DLG2: variants seen among roughly 807,000 people sequenced by gnomAD.
DLG2 encodes the protein discs large MAGUK scaffold protein 2.
Under a neutral mutation model 132.5 loss-of-function variants are expected in DLG2, and 45 were observed. That is an observed-to-expected ratio of 0.34 (90% CI 0.27 to 0.44). DLG2 has a LOEUF of 0.44. DLG2 is among the 20% of genes least tolerant of loss of function. DLG2 has a pLI of 1.00. For synonymous variants in DLG2, 424 were observed against 419.6 expected (o/e 1.01, Z -0.13); for missense variants, 1,045 against 1,196.9 (o/e 0.87, Z 1.87).
intron 3 of DLG2, among the ~76,000 whole-genome samples, chr11:85,408,666 G>A (rs561946525): frequency 8.6e-5 from 13 of 150,700 alleles, no homozygotes; most frequent in Middle Eastern, 3.4e-3. Flanking sequence ...TTGTTCTTGC[G>A]ATAGTTTACT....
intron 7 of DLG2, among the ~76,000 whole-genome samples, chr11:84,460,138 C>G (rs2099076458): frequency 6.7e-6 from 1 of 150,216 alleles, no homozygotes; most frequent in South Asian, 2.1e-4. Context: ...TTTTTTTGAT[C>G]TTCAGATTCT....
chr11:84,742,946 C>T (rs1025726239), intron 6 of DLG2, among the ~76,000 whole-genome samples: 2 of 152,022 alleles, frequency 1.3e-5, no homozygotes, highest in Non-Finnish European at 2.9e-5. Context: ...CAGTTTTTAC[C>T]TATTATGAAT....
At chr11:85,361,147 T>C (rs2084116767) in intron 3 of DLG2, among the ~76,000 whole-genome samples, 1 of 152,114 alleles carries the variant, frequency 6.6e-6, no homozygotes, top group Non-Finnish European at 1.5e-5. Context: ...CAGATTCTGT[T>C]ATTCTTGGTC....
intron 21 of DLG2, among the ~76,000 whole-genome samples, chr11:83,530,115 TATCC>T (rs2095702712): frequency 6.6e-6 from 1 of 151,986 alleles, no homozygotes; most frequent in Middle Eastern, 3.4e-3. Flanking sequence ...TCTATCTATC[TATCC>T]ATCTATCTCA....
At chr11:84,718,239 A>G (rs1223911270) in intron 6 of DLG2, among the ~76,000 whole-genome samples, 1 of 152,124 alleles carries the variant, frequency 6.6e-6, no homozygotes, top group Non-Finnish European at 1.5e-5. Context: ...TAGAGTCTCT[A>G]AAAGCATTAT....
At chr11:85,614,338 T>A (rs2081202739) in intron 2 of DLG2, among the ~76,000 whole-genome samples, 1 of 147,608 alleles carries the variant, frequency 6.8e-6, no homozygotes, top group Non-Finnish European at 1.5e-5. Flanking sequence ...TTTTTAAAAA[T>A]TAACATTAAA....
At chr11:84,735,354 G>A (rs565952216) in intron 6 of DLG2, among the ~76,000 whole-genome samples, 18 of 152,142 alleles carry the variant, frequency 1.2e-4, no homozygotes, top group Middle Eastern at 6.8e-3. Flanking sequence ...TTTCTTCCTG[G>A]TTTAGTCTTG....
chr11:84,482,226 G>A (rs2099139652), intron 7 of DLG2, among the ~76,000 whole-genome samples: 1 of 152,124 alleles, frequency 6.6e-6, no homozygotes, highest in Admixed American at 6.5e-5. Context: ...AAGAATAAAT[G>A]CATAGGTAAC....
intron 6 of DLG2, among the ~76,000 whole-genome samples, chr11:84,985,552 G>A (rs1169187216): frequency 6.6e-6 from 1 of 151,748 alleles, no homozygotes; most frequent in African/African-American, 2.4e-5. Context: ...GACAATCTAA[G>A]GTCACACCTC....
chr11:83,933,501 A>T (rs2080804852), intron 14 of DLG2, among the ~76,000 whole-genome samples: 1 of 152,232 alleles, frequency 6.6e-6, no homozygotes, highest in South Asian at 2.1e-4. Flanking sequence ...CTATGGGTTT[A>T]TAATTGCAGG....
chr11:83,475,495 C>T (rs948298367), intron 22 of DLG2, among the ~76,000 whole-genome samples: 1 of 148,108 alleles, frequency 6.8e-6, no homozygotes, highest in Non-Finnish European at 1.5e-5. Flanking sequence ...TTTAATACTG[C>T]ACCTTTTTCA....
intron 8 of DLG2, among the ~76,000 whole-genome samples, chr11:84,225,243 G>GT (rs2096973887): frequency 1.3e-5 from 2 of 152,146 alleles, no homozygotes; most frequent in Admixed American, 1.3e-4. Context: ...TATTTGAATA[G>GT]CATTTGAGAG....
intron 6 of DLG2, among the ~76,000 whole-genome samples, chr11:84,681,573 C>G (rs1015833824): frequency 1.3e-5 from 2 of 152,124 alleles, no homozygotes; most frequent in Non-Finnish European, 2.9e-5. Flanking sequence ...AACTTCAGAA[C>G]ACAGAGAAGA....
chr11:85,626,308 C>A (rs1218931041), intron 2 of DLG2, among the ~76,000 whole-genome samples: 1 of 152,144 alleles, frequency 6.6e-6, no homozygotes, highest in Non-Finnish European at 1.5e-5. Context: ...GCTAAGAAAA[C>A]AAGCTAAAGG....
intron 8 of DLG2, among the ~76,000 whole-genome samples, chr11:84,242,865 T>A (rs1413135170): frequency 6.6e-6 from 1 of 152,156 alleles, no homozygotes; most frequent in Non-Finnish European, 1.5e-5. Flanking sequence ...CATGTCTCCA[T>A]GTGAGCATAT....
At chr11:83,966,193 T>G (rs2090152728) in intron 12 of DLG2, among the ~76,000 whole-genome samples, 1 of 152,026 alleles carries the variant, frequency 6.6e-6, no homozygotes. Context: ...TGATACCTAG[T>G]GTGAAAATGC....
chr11:84,452,180 A>AGAGGAG (rs1196209147), intron 7 of DLG2, among the ~76,000 whole-genome samples: 1 of 151,406 alleles, frequency 6.6e-6, no homozygotes, highest in East Asian at 1.9e-4. Flanking sequence ...AGGAAGAGGA[A>AGAGGAG]GAGGAGGAGG....
intron 7 of DLG2, among the ~76,000 whole-genome samples, chr11:84,353,322 C>T (rs1559852): frequency 0.36 from 54,504 of 151,946 alleles, 14,739 homozygotes; most frequent in African/African-American, 0.76. Flanking sequence ...CTGAACTCGC[C>T]TTCTTCCACC....
chr11:85,154,353 TA>T (rs1343626146), intron 5 of DLG2, among the ~76,000 whole-genome samples: 3 of 152,026 alleles, frequency 2.0e-5, no homozygotes, highest in African/African-American at 7.3e-5. Flanking sequence ...GAACCCAAAA[TA>T]AAACACACAC....
Sources: allele counts gnomAD v4.1 joint callset (sites outside exome capture counted in the v4.1 genomes callset), GRCh38; gene constraint gnomAD v4.1.1; transcripts MANE v1.5; gene names NCBI Gene and HGNC (gene_info 2026-07-23, HGNC 2026-07-21).